The following TBC1D22A variants were observed in gnomAD, a reference collection of about 807,000 sequenced individuals.
TBC1D22A encodes TBC1 domain family member 22A, also known as putative GTPase activator.
TBC1D22A carries 38 observed loss-of-function variants against 60.2 expected under a neutral mutation model. That is an observed-to-expected ratio of 0.63 (90% CI 0.49 to 0.83). TBC1D22A has a LOEUF of 0.83. Ranked by LOEUF, TBC1D22A falls within the 40% of genes least tolerant of loss-of-function variation. The pLI is 0.00. For synonymous variants in TBC1D22A, 302 were observed against 281.7 expected (o/e 1.07, Z -0.72); for missense variants, 628 against 701.0 (o/e 0.90, Z 1.18).
At chr22:47,027,939 G>A (rs986688360) in intron 10 of TBC1D22A, among the ~76,000 whole-genome samples, 17 of 152,204 alleles carry the variant, frequency 1.1e-4, no homozygotes, top group South Asian at 2.1e-4. Flanking sequence ...TTCCCTGGCC[G>A]TGGAGCACAG....
intron 7 of TBC1D22A, among the ~76,000 whole-genome samples, chr22:46,896,280 T>C (rs1208042918): frequency 6.6e-6 from 1 of 152,208 alleles, no homozygotes; most frequent in Non-Finnish European, 1.5e-5. Flanking sequence ...TCAGTTTGTA[T>C]GTTGTAAAGA....
chr22:47,007,173 C>CCCAGGGGACCCA (rs1187393844), intron 10 of TBC1D22A, among the ~76,000 whole-genome samples: 8 of 152,190 alleles, frequency 5.3e-5, no homozygotes, highest in African/African-American at 1.7e-4. Context: ...CCCAAAGCTC[C>CCCAGGGGACCCA]TGGGTCCCTG....
At chr22:46,922,864 A>G (rs1236637921) in intron 8 of TBC1D22A, among the ~76,000 whole-genome samples, 1 of 152,182 alleles carries the variant, frequency 6.6e-6, no homozygotes, top group Non-Finnish European at 1.5e-5. Context: ...ATAGAATCGT[A>G]TTGATTGCAA....
intron 9 of TBC1D22A, among the ~76,000 whole-genome samples, chr22:46,993,682 G>A (rs1056239945): frequency 3.3e-5 from 5 of 152,302 alleles, no homozygotes; most frequent in East Asian, 1.9e-4. Context: ...TGCAGCCTGC[G>A]GGCAGCTGCT....
chr22:47,090,638 C>G (rs1489369573), intron 11 of TBC1D22A, among the ~76,000 whole-genome samples: 1 of 152,178 alleles, frequency 6.6e-6, no homozygotes, highest in Non-Finnish European at 1.5e-5. Flanking sequence ...TTTGCTTGCT[C>G]CAGGTCTGGG....
intron 12 of TBC1D22A, among the ~76,000 whole-genome samples, chr22:47,160,395 C>T (rs1315984167): frequency 6.6e-6 from 1 of 152,226 alleles, no homozygotes; most frequent in Non-Finnish European, 1.5e-5. Flanking sequence ...ATTGATCCTA[C>T]CCGCCTGGGA....
At chr22:47,096,576 C>G (rs189593828) in intron 11 of TBC1D22A, among the ~76,000 whole-genome samples, 1 of 152,114 alleles carries the variant, frequency 6.6e-6, no homozygotes, top group Admixed American at 6.5e-5. Flanking sequence ...AATCCCAGCA[C>G]TTTGGGGGGC....
intron 4 of TBC1D22A, among the ~76,000 whole-genome samples, chr22:46,865,537 A>G (rs2067008819): frequency 1.3e-5 from 2 of 152,230 alleles, no homozygotes; most frequent in African/African-American, 4.8e-5. Context: ...ACCTGATCTT[A>G]TGTGAAATCA....
intron 4 of TBC1D22A, among the ~76,000 whole-genome samples, chr22:46,859,075 A>C (rs531917238): frequency 2.4e-4 from 34 of 140,514 alleles, no homozygotes; most frequent in African/African-American, 8.9e-4. Context: ...TTTTCGATAG[A>C]GGTCCGCGCA....
chr22:47,163,418 C>T (rs1048194440), intron 12 of TBC1D22A, among the ~76,000 whole-genome samples: 5 of 152,244 alleles, frequency 3.3e-5, no homozygotes, highest in South Asian at 2.1e-4. Flanking sequence ...AACCAAAGGT[C>T]CCTGGTTGCA....
At chr22:47,155,156 T>C (rs551298695) in intron 12 of TBC1D22A, among the ~76,000 whole-genome samples, 3 of 152,166 alleles carry the variant, frequency 2.0e-5, no homozygotes, top group Admixed American at 1.3e-4. Context: ...GGACGCTCCA[T>C]GCCGAGCCCA....
At chr22:46,920,708 G>A (rs2070703034) in intron 8 of TBC1D22A, among the ~76,000 whole-genome samples, 1 of 151,898 alleles carries the variant, frequency 6.6e-6, no homozygotes, top group African/African-American at 2.4e-5. Flanking sequence ...CACTTTATTA[G>A]TATTTGTTTA....
chr22:47,121,777 G>C (rs1449611473), intron 12 of TBC1D22A, among the ~76,000 whole-genome samples: 1 of 152,070 alleles, frequency 6.6e-6, no homozygotes, highest in African/African-American at 2.4e-5. Flanking sequence ...TTCTCACTAG[G>C]GTTAATTCCC....
intron 1 of TBC1D22A, among the ~76,000 whole-genome samples, chr22:46,771,101 C>G (rs751079086): frequency 4.6e-5 from 7 of 152,164 alleles, no homozygotes; most frequent in Non-Finnish European, 7.3e-5. Context: ...TTTCCTTTCT[C>G]TTACATATTC....
At chr22:46,941,442 G>A (rs570287998) in intron 8 of TBC1D22A, among the ~76,000 whole-genome samples, 3,422 of 75,362 alleles carry the variant, frequency 0.045, 390 homozygotes, top group African/African-American at 0.058. Flanking sequence ...ATATATACAC[G>A]GAATATATAT....
chr22:46,985,118 A>T (rs1311035556), intron 9 of TBC1D22A, among the ~76,000 whole-genome samples: 2 of 152,176 alleles, frequency 1.3e-5, no homozygotes, highest in Non-Finnish European at 2.9e-5. Flanking sequence ...TCTGAAAGAG[A>T]ATAACAAAGG....
At position 46,793,781 on chromosome 22, in the gene TBC1D22A, C is replaced by G. The variant is rs112995262; in HGVS notation, c.400C>G (p.Pro134Ala). 23,411 of 1,601,704 alleles carry G rather than the reference C, an allele frequency of 0.015. 271 individuals carry two copies. The highest frequency in any genetic ancestry group is 0.016 in the Non-Finnish European group (18,693 of 1,174,772). The part of the protein sequence containing the change: ...PRPEAEPPSP[P>A]SGDLRLVKSV... ...GCCCGAGGCAGAGCCGCCCTCACCC[C>G]CCAGCGGCGACCTCCGGCTGGTGAA... Residue 134 changes from proline to alanine, a missense_variant, in exon 3 of 13, where the codon CCC (proline) becomes GCC (alanine). By Grantham distance (27) the Pro-to-Ala change is conservative (BLOSUM62 -1). Coordinates refer to ENST00000337137, the MANE Select transcript of TBC1D22A (RefSeq NM_014346.5).
chr22:46,904,095 A>C (rs2069211123), intron 7 of TBC1D22A, among the ~76,000 whole-genome samples: 1 of 125,730 alleles, frequency 8.0e-6, no homozygotes, highest in South Asian at 2.8e-4. Context: ...TATCTAAATA[A>C]AATCTATCTA....
intron 12 of TBC1D22A, among the ~76,000 whole-genome samples, chr22:47,136,557 C>T (rs949406755): frequency 3.7e-5 from 5 of 135,864 alleles, no homozygotes; most frequent in Non-Finnish European, 6.6e-5. Context: ...GACCCGGGGA[C>T]GGGGGACCAG....
Sources: allele counts gnomAD v4.1 joint callset (sites outside exome capture counted in the v4.1 genomes callset), GRCh38; gene constraint gnomAD v4.1.1; transcripts MANE v1.5; gene names NCBI Gene and HGNC (gene_info 2026-07-23, HGNC 2026-07-21).